The following MSL2 variants were observed in gnomAD, a reference collection of about 807,000 sequenced individuals.
MSL2 encodes MSL complex subunit 2.
A neutral mutation model predicts 35.8 loss-of-function variants in MSL2; 2 were observed. The ratio of observed to expected loss-of-function variants is 0.06; its 90% CI spans 0.02 to 0.18. MSL2 has a LOEUF of 0.18. Ranked by LOEUF, MSL2 falls within the 10% of genes least tolerant of loss-of-function variation. The pLI is 1.00. For synonymous variants in MSL2, 296 were observed against 255.7 expected, an observed-to-expected ratio of 1.16 and a Z score of -1.50; for missense variants, 523 against 706.7, an observed-to-expected ratio of 0.74 and a Z score of 2.95.
Position 136,181,531 on chromosome 3 carries a change from G to C in MSL2, c.142+13441C>G, listed in dbSNP as rs1940362691. Among the ~76,000 whole-genome samples the C allele has an allele frequency of 2.0e-5, 3 of 152,018 alleles. No homozygotes were observed. In the South Asian group the frequency reaches 6.2e-4, roughly 31 times the overall value. ...CACTACCACCGTGGAACACCTTCTT[G>C]GGCCCGATTACTAAGGTGAAGAAAT... On this transcript the variant is annotated intron_variant, in intron 1 of 1. Transcript: ENST00000309993.
At chr3:136,176,896 T>G (rs1259717240) in intron 1 of MSL2, among the ~76,000 whole-genome samples, 1 of 152,186 alleles carries the variant, frequency 6.6e-6, no homozygotes, top group Non-Finnish European at 1.5e-5. Flanking sequence ...CAGGTATTCC[T>G]TAACAGCAAC....
intron 1 of MSL2, among the ~76,000 whole-genome samples, chr3:136,186,041 T>C (rs928638022): frequency 6.6e-6 from 1 of 152,124 alleles, no homozygotes; most frequent in African/African-American, 2.4e-5. Context: ...CACAACCATA[T>C]CGCTAAAAAT....
intron 1 of MSL2, among the ~76,000 whole-genome samples, chr3:136,189,108 C>CAAAAAAAAAAAAAAA (rs372715974): frequency 7.8e-5 from 3 of 38,604 alleles, no homozygotes; most frequent in African/African-American, 3.0e-4. Flanking sequence ...CCTGTCTCTA[C>CAAAAAAAAAAAAAAA]AAAAAAAAAA....
intron 1 of MSL2, among the ~76,000 whole-genome samples, chr3:136,192,742 G>A (rs140125306): frequency 6.6e-6 from 1 of 152,166 alleles, no homozygotes; most frequent in Non-Finnish European, 1.5e-5. Context: ...CCCTAATTAA[G>A]CATTACAACA....
At chr3:136,194,719 C>A (rs551067248) in intron 1 of MSL2, among the ~76,000 whole-genome samples, 3 of 151,710 alleles carry the variant, frequency 2.0e-5, no homozygotes, top group South Asian at 4.2e-4. Context: ...CCACCACCAC[C>A]AGATGAACCG....
Position 136,180,802 on chromosome 3 carries a change from G to GA in MSL2, c.142+14169dup, listed in dbSNP as rs1284087642. ...GGAGGGAGGGAGGGAGGGAGGGAGG[G>GA]AGGGAGGGAAGGAGGGAAGGAAGGA... On this transcript the variant is annotated intron_variant, in intron 1 of 1. Transcript: ENST00000309993. Among the ~76,000 whole-genome samples the GA allele has an allele frequency of 3.7e-3, 386 of 104,612 alleles. 11 individuals carry two copies. Among genetic ancestry groups the GA allele is most frequent in the African/African-American group, 0.011 (274 of 26,056 alleles). 68.6% of individuals were successfully genotyped at this position (104,612 alleles called of 152,430 possible). A position where few individuals can be genotyped will look rare whatever the true frequency, so the allele number is the denominator to read the frequency against.
chr3:136,160,368 AG>A (rs1479084117), intron 1 of MSL2, among the ~76,000 whole-genome samples: 6 of 46,896 alleles, frequency 1.3e-4, no homozygotes, highest in Admixed American at 3.1e-4. Flanking sequence ...GGAGGGAGGG[AG>A]GGAGGGAGAT....
intron 1 of MSL2, among the ~76,000 whole-genome samples, chr3:136,177,928 C>G (rs977442649): frequency 2.0e-5 from 3 of 152,108 alleles, no homozygotes; most frequent in Admixed American, 6.6e-5. Context: ...AAAACCTGAA[C>G]AGTTAAACTT....
intron 1 of MSL2, among the ~76,000 whole-genome samples, chr3:136,189,108 C>CAAAAAAAAA (rs372715974): frequency 5.2e-5 from 2 of 38,610 alleles, no homozygotes; most frequent in East Asian, 2.8e-3. Flanking sequence ...CCTGTCTCTA[C>CAAAAAAAAA]AAAAAAAAAA....
chr3:136,196,083 C>G lies in MSL2; in HGVS notation c.-970G>C, dbSNP rs2108104396. On this transcript the variant is annotated 5_prime_UTR_variant, in exon 1 of 2. Coordinates refer to ENST00000309993, the MANE Select transcript of MSL2 (RefSeq NM_018133.4). Reference sequence around the variant, plus strand: ...GGCAAGCGCTCACACCGCCAGGCCCCGCCGCCGCCCAGCGCACACAGCAAG... The same window carrying G: ...GGCAAGCGCTCACACCGCCAGGCCCGGCCGCCGCCCAGCGCACACAGCAAG... 6.4e-6 allele frequency: 1 copy of G among 155,758 alleles called. No individual in the cohort carries two copies. Among genetic ancestry groups the G allele is most frequent in the Non-Finnish European group, 1.4e-5 (1 of 70,510 alleles). The allele number at this position is 155,758 out of a possible 1,614,324, so 9.6% of individuals were successfully genotyped here.
chr3:136,173,119 C>T (rs1199048729), intron 1 of MSL2, among the ~76,000 whole-genome samples: 2 of 152,152 alleles, frequency 1.3e-5, no homozygotes, highest in Non-Finnish European at 2.9e-5. Flanking sequence ...GCTGAGATCA[C>T]GCCACTGCAC....
At chr3:136,189,135 A>AAAACAC (rs746820441) in intron 1 of MSL2, among the ~76,000 whole-genome samples, 1 of 121,700 alleles carries the variant, frequency 8.2e-6, no homozygotes, top group African/African-American at 3.9e-5. Context: ...AAAAAAAAAA[A>AAAACAC]ACACACACAC....
At chr3:136,176,408 G>A (rs947221478) in intron 1 of MSL2, among the ~76,000 whole-genome samples, 8 of 151,412 alleles carry the variant, frequency 5.3e-5, no homozygotes, top group Non-Finnish European at 8.8e-5. Flanking sequence ...CCAGCTACTC[G>A]GGAGGGTGAG....
chr3:136,192,218 T>C (rs1940709102), intron 1 of MSL2, among the ~76,000 whole-genome samples: 2 of 152,182 alleles, frequency 1.3e-5, no homozygotes, highest in South Asian at 2.1e-4. Context: ...TGTTGCCCAG[T>C]CTGGAGTGCA....
At chr3:136,189,135 A>C (rs111988966) in intron 1 of MSL2, among the ~76,000 whole-genome samples, 1,387 of 121,600 alleles carry the variant, frequency 0.011, 55 homozygotes, top group African/African-American at 0.045. Flanking sequence ...AAAAAAAAAA[A>C]ACACACACAC....
chr3:136,181,673 C>T (rs1940367182), intron 1 of MSL2, among the ~76,000 whole-genome samples: 1 of 151,988 alleles, frequency 6.6e-6, no homozygotes, highest in South Asian at 2.1e-4. Context: ...AATCTGAGCA[C>T]TTTGGGAGGC....
intron 1 of MSL2, among the ~76,000 whole-genome samples, chr3:136,156,915 T>C (rs1294655547): frequency 6.6e-6 from 1 of 152,198 alleles, no homozygotes; most frequent in African/African-American, 2.4e-5. Flanking sequence ...GCAATCCTTT[T>C]AACTGTTGAA....
At chr3:136,160,198 T>C (rs1386043206) in intron 1 of MSL2, among the ~76,000 whole-genome samples, 1 of 140,412 alleles carries the variant, frequency 7.1e-6, no homozygotes, top group Non-Finnish European at 1.5e-5. Context: ...ATTGCTTGAA[T>C]CTGAGAAGCA....
intron 1 of MSL2, among the ~76,000 whole-genome samples, chr3:136,153,910 C>G (rs1252588354): frequency 6.6e-6 from 1 of 151,590 alleles, no homozygotes; most frequent in Non-Finnish European, 1.5e-5. Context: ...TGGTGAAACC[C>G]TGTCTCTACT....
Sources: allele counts gnomAD v4.1 joint callset (sites outside exome capture counted in the v4.1 genomes callset), GRCh38; gene constraint gnomAD v4.1.1; transcripts MANE v1.5; gene names NCBI Gene and HGNC (gene_info 2026-07-23, HGNC 2026-07-21).